Variants in IPP observed in about 807,000 individuals in gnomAD.
IPP encodes the protein intracisternal A particle-promoted polypeptide.
Under a neutral mutation model 64.1 loss-of-function variants are expected in IPP, and 41 were observed. The ratio of observed to expected loss-of-function variants is 0.64; its 90% CI spans 0.50 to 0.83. IPP has a LOEUF of 0.83. IPP is among the 40% of genes least tolerant of loss of function. IPP has a pLI of 0.00. For synonymous variants in IPP, 214 were observed against 235.2 expected (o/e 0.91, Z 0.83); for missense variants, 649 against 703.0 (o/e 0.92, Z 0.87).
chr1:45,737,812 C>T (rs2148578376), intron 3 of IPP, among the ~76,000 whole-genome samples: 1 of 152,248 alleles, frequency 6.6e-6, no homozygotes. Context: ...CAGCCTAACA[C>T]TGTAACACAA....
intron 5 of IPP, among the ~76,000 whole-genome samples, chr1:45,724,162 T>G (rs1645772150): frequency 6.6e-6 from 1 of 152,104 alleles, no homozygotes; most frequent in South Asian, 2.1e-4. Flanking sequence ...TCGGTTTTTT[T>G]TGGTGGAGAC....
chr1:45,747,891 CAT>C (rs974325191), intron 1 of IPP, among the ~76,000 whole-genome samples: 2 of 94,448 alleles, frequency 2.1e-5, no homozygotes, highest in African/African-American at 8.0e-5. Context: ...TAATATAAGA[CAT>C]ATGGAATAGC....
chr1:45,720,005 A>G (rs940052830), intron 5 of IPP, among the ~76,000 whole-genome samples: 4 of 152,050 alleles, frequency 2.6e-5, no homozygotes, highest in Non-Finnish European at 5.9e-5. Context: ...TACAGGTGTG[A>G]GACACCGCAC....
At position 45,749,502 on chromosome 1, in the gene IPP, T is replaced by G. The variant is rs371897575; in HGVS notation, c.-51+1095A>C. ...GGATCGCTTGATTTTTTGTTTTTTT[T>G]TTTTGTTTTGTTTTTGTTTTTTGTT... On this transcript the variant is annotated intron_variant, in intron 1 of 8. Coordinates refer to ENST00000396478, the MANE Select transcript of IPP (RefSeq NM_005897.3). Among the ~76,000 whole-genome samples, 1,390 of 149,250 alleles carry G rather than the reference T, an allele frequency of 9.3e-3. 11 individuals are homozygous for G. The highest frequency in any genetic ancestry group is 0.019 in the East Asian group (93 of 5,018).
At chr1:45,724,487 A>C (rs982968748) in intron 5 of IPP, among the ~76,000 whole-genome samples, 3 of 147,048 alleles carry the variant, frequency 2.0e-5, no homozygotes, top group Non-Finnish European at 4.5e-5. Context: ...CCAGTCTGGA[A>C]AGTGAGGAGC....
chr1:45,695,607 C>CATTAAAAATGGTCTAAGG (rs1471063960), downstream of IPP, among the ~76,000 whole-genome samples: 348 of 151,492 alleles, frequency 2.3e-3, 2 homozygotes, highest in African/African-American at 8.2e-3. Context: ...AAAGGAAAAA[C>CATTAAAAATGGTCTAAGG]ATTAAAAATG....
intron 5 of IPP, among the ~76,000 whole-genome samples, chr1:45,725,465 G>T (rs1326748662): frequency 7.1e-6 from 1 of 140,580 alleles, no homozygotes; most frequent in Non-Finnish European, 1.6e-5. Context: ...GGAGGGAGGT[G>T]GGGGTGTCAG....
intron 3 of IPP, among the ~76,000 whole-genome samples, chr1:45,733,089 A>G (rs1374558738): frequency 6.6e-6 from 1 of 152,150 alleles, no homozygotes; most frequent in African/African-American, 2.4e-5. Context: ...CTTCAAAACA[A>G]ATCAAGAATA....
intron 5 of IPP, among the ~76,000 whole-genome samples, chr1:45,722,084 ACAAC>A (rs1229759562): frequency 6.6e-6 from 1 of 151,500 alleles, no homozygotes; most frequent in Non-Finnish European, 1.5e-5. Flanking sequence ...AAAGAAACAA[ACAAC>A]CAACAACAAC....
intron 8 of IPP, among the ~76,000 whole-genome samples, 187 bp downstream of exon 8, chr1:45,714,059 T>C (rs530079697): frequency 6.6e-6 from 1 of 151,124 alleles, no homozygotes; most frequent in East Asian, 1.9e-4. Context: ...AGAACAGAAA[T>C]CAATAAAACA....
chr1:45,721,050 G>A (rs967598732), intron 5 of IPP, among the ~76,000 whole-genome samples: 2 of 152,158 alleles, frequency 1.3e-5, no homozygotes, highest in African/African-American at 4.8e-5. Flanking sequence ...AATAAAAGAT[G>A]AAGCAGCACA....
At position 45,727,625 on chromosome 1, in the gene IPP, T is replaced by G; in HGVS notation, c.1048+6A>C. On this transcript the variant is annotated splice_donor_region_variant and intron_variant, in intron 5 of 8. Coordinates refer to ENST00000396478, the MANE Select transcript of IPP (RefSeq NM_005897.3). ...AATTAAGAAAATAAGACATTTTTAT[T>G]ATTACCTCCAATAGCGTAGACCATC... 2.0e-6 allele frequency: 3 copies of G among 1,505,894 alleles called. No homozygotes were observed. The highest frequency in any genetic ancestry group is 2.7e-6 in the Non-Finnish European group (3 of 1,114,656). 93.3% of individuals were successfully genotyped at this position (1,505,894 alleles called of 1,614,324 possible). A position where few individuals can be genotyped will look rare whatever the true frequency, so the allele number is the denominator to read the frequency against.
At chr1:45,745,235 A>C (rs1193733675) in intron 2 of IPP, among the ~76,000 whole-genome samples, 1 of 152,164 alleles carries the variant, frequency 6.6e-6, no homozygotes, top group East Asian at 1.9e-4. Flanking sequence ...CTTCAAAAAC[A>C]TTTAAGAGAT....
intron 8 of IPP, among the ~76,000 whole-genome samples, chr1:45,702,016 C>T (rs1320736801): frequency 2.0e-5 from 3 of 152,168 alleles, no homozygotes; most frequent in African/African-American, 4.8e-5. Flanking sequence ...ACTGACACAA[C>T]TGAAAAATAC....
chr1:45,738,080 T>C (rs898438967), intron 3 of IPP, among the ~76,000 whole-genome samples: 2 of 152,200 alleles, frequency 1.3e-5, no homozygotes. Flanking sequence ...AGGTTCATTA[T>C]CACCTACAGT....
intron 5 of IPP, among the ~76,000 whole-genome samples, chr1:45,726,810 G>A (rs1200311651): frequency 2.7e-5 from 4 of 148,234 alleles, no homozygotes; most frequent in African/African-American, 1.0e-4. Flanking sequence ...TGCAACCTCC[G>A]CCTCCCGGGT....
chr1:45,705,092 A>G (rs548567607), intron 8 of IPP, among the ~76,000 whole-genome samples: 52 of 152,346 alleles, frequency 3.4e-4, no homozygotes, highest in African/African-American at 1.2e-3. Context: ...TGCCACCTCA[A>G]TAAGGTTGTT....
At chr1:45,701,924 C>T (rs1029172617) in intron 8 of IPP, among the ~76,000 whole-genome samples, 1 of 152,038 alleles carries the variant, frequency 6.6e-6, no homozygotes, top group Non-Finnish European at 1.5e-5. Flanking sequence ...AATACTAAAC[C>T]AGGGACAATT....
At chr1:45,724,892 G>A (rs1472737101) in intron 5 of IPP, among the ~76,000 whole-genome samples, 1 of 149,962 alleles carries the variant, frequency 6.7e-6, no homozygotes, top group Non-Finnish European at 1.5e-5. Context: ...GGAGGTGGGG[G>A]GGGTCAGCCC....
Sources: gnomAD v4.1 joint callset for allele counts (sites outside exome capture counted in the v4.1 genomes callset) on GRCh38, gnomAD v4.1.1 for gene constraint, MANE v1.5 for transcripts, NCBI Gene and HGNC (gene_info 2026-07-23, HGNC 2026-07-21) for gene names.